The following C1orf198 variants were observed in gnomAD, a reference collection of about 807,000 sequenced individuals.
The protein encoded by C1orf198 is uncharacterized protein C1orf198.
A neutral mutation model predicts 31.4 loss-of-function variants in C1orf198; 17 were observed. That is an observed-to-expected ratio of 0.54 (90% confidence interval 0.37 to 0.81). The LOEUF is 0.81. Ranked by LOEUF, C1orf198 falls within the 40% of genes least tolerant of loss-of-function variation. The pLI is 0.00. For synonymous variants in C1orf198, 175 were observed against 193.8 expected, an observed-to-expected ratio of 0.90 and a Z score of 0.81; for missense variants, 401 against 450.3, an observed-to-expected ratio of 0.89 and a Z score of 0.99.
At position 230,843,405 on chromosome 1, in the gene C1orf198, G is replaced by A. The variant is rs1261195586; in HGVS notation, c.876C>T (p.Val292=). Residue 292 remains valine, a synonymous_variant, in exon 3 of 4, where the codon GTC becomes GTT. Coordinates refer to ENST00000366663, the MANE Select transcript of C1orf198 (RefSeq NM_032800.3). The surrounding 1 kb of genome is among the most constrained non-coding windows in gnomAD (Gnocchi z 4.9). ...GGGTGTCTTCCCCATCGTCCTGCCTGACATCAGGAGATGGCAGCTTCCCCT... is the reference window on the plus strand; with the variant it reads ...GGGTGTCTTCCCCATCGTCCTGCCTAACATCAGGAGATGGCAGCTTCCCCT... ...QLEGKLPSPD[V]RQDDGEDTLF... 6.4e-7 allele frequency: 1 copy of A among 1,571,356 alleles called. No homozygotes were observed. Among genetic ancestry groups the A allele is most frequent in the South Asian group, 1.2e-5 (1 of 86,184 alleles).
rs1396727368 is a variant in C1orf198, at chr1:230,840,460, C to T, written c.928-552G>A. On this transcript the variant is annotated intron_variant, in intron 3 of 3. Coordinates refer to ENST00000366663, the MANE Select transcript of C1orf198 (RefSeq NM_032800.3). This position sits in a 1 kb window ranked among gnomAD's most constrained non-coding sequence, Gnocchi z 4.0. ...GCTCAAGCGATCCTCTTGCCTCGGC[C>T]TCCCACGTAGCTGGGACTACAGGCA... Among the ~76,000 whole-genome samples the T allele has an allele frequency of 6.6e-6, 1 of 152,242 alleles. No homozygotes were observed. Among genetic ancestry groups the T allele is most frequent in the African/African-American group, 2.4e-5 (1 of 41,454 alleles).
Position 230,868,502 on chromosome 1 carries a change from A to G in C1orf198, c.11T>C (p.Met4Thr). 3 of 1,446,318 alleles carry G rather than the reference A, an allele frequency of 2.1e-6. No individual in the cohort carries two copies. The highest frequency in any genetic ancestry group is 1.4e-5 in the South Asian group (1 of 72,346). The allele number at this position is 1,446,318 out of a possible 1,614,324, so 89.6% of individuals were successfully genotyped here. A position where few individuals can be genotyped will look rare whatever the true frequency, so the allele number is the denominator to read the frequency against. MASMAAAIAASRSA... is the reference protein window; with the variant it reads MASTAAAIAASRSA... ...GCGCGAAGCCGCGATCGCCGCCGCCATGGACGCCATGCCCGGCCTGCCCGC... is the reference window on the plus strand; with the variant it reads ...GCGCGAAGCCGCGATCGCCGCCGCCGTGGACGCCATGCCCGGCCTGCCCGC... Residue 4 changes from methionine to threonine, a missense_variant, in exon 1 of 4, where the codon ATG (methionine) becomes ACG (threonine). Physicochemically the swap from Met to Thr is moderately conservative, Grantham distance 81 (BLOSUM62 -1). Coordinates refer to ENST00000366663, the MANE Select transcript of C1orf198 (RefSeq NM_032800.3).
intron 2 of C1orf198, among the ~76,000 whole-genome samples, chr1:230,850,158 T>A (rs1343529455): frequency 6.6e-6 from 1 of 152,202 alleles, no homozygotes; most frequent in East Asian, 1.9e-4. Flanking sequence ...CAACAAGGAA[T>A]TCATCAGCAT....
rs1670178927 is a variant in C1orf198 at position 230,868,497 on chromosome 1, C to CCGCCATGGA, written c.7_15dup (p.Ser3_Ala5dup). ...GCCGAGCGCGAAGCCGCGATCGCCGCCGCCATGGACGCCATGCCCGGCCTG... is the reference window on the plus strand; with the variant it reads ...GCCGAGCGCGAAGCCGCGATCGCCGCCGCCATGGACGCCATGGACGCCATGCCCGGCCTG... On this transcript the variant is annotated inframe_insertion, in exon 1 of 4. Coordinates refer to ENST00000366663, the MANE Select transcript of C1orf198 (RefSeq NM_032800.3). The CCGCCATGGA allele has an allele frequency of 6.8e-7, 1 of 1,462,208 alleles. No individual in the cohort carries two copies. Among genetic ancestry groups the CCGCCATGGA allele is most frequent in the Admixed American group, 2.2e-5 (1 of 45,628 alleles). The allele number at this position is 1,462,208 out of a possible 1,614,324, so 90.6% of individuals were successfully genotyped here. A position where few individuals can be genotyped will look rare whatever the true frequency, so the allele number is the denominator to read the frequency against.
intron 3 of C1orf198, among the ~76,000 whole-genome samples, chr1:230,841,899 C>G (rs1290267315): frequency 6.6e-6 from 1 of 152,154 alleles, no homozygotes; most frequent in South Asian, 2.1e-4. Flanking sequence ...AAGTGTCTGT[C>G]GATGGATGAG....
rs994503900 is a variant in C1orf198 at position 230,857,126 on chromosome 1, G to A, written c.334-1408C>T. ...TCCTAACATGAACAGCCAGTGGGAG[G>A]TCAGTCTTTGAACTCAAATAACGAA... is the stretch of plus-strand genomic sequence containing the variant. On this transcript the variant is annotated intron_variant, in intron 1 of 3. Transcript: ENST00000366663. This position sits in a 1 kb window ranked among gnomAD's most constrained non-coding sequence, Gnocchi z 4.2. 3.9e-5 allele frequency among the ~76,000 whole-genome samples: 6 copies of A among 152,174 alleles called. No individual in the cohort carries two copies. The highest frequency in any genetic ancestry group is 1.2e-4 in the African/African-American group (5 of 41,430).
chr1:230,848,973 T>C (rs1669662440), intron 2 of C1orf198, among the ~76,000 whole-genome samples: 2 of 152,206 alleles, frequency 1.3e-5, no homozygotes, highest in Admixed American at 1.3e-4. Flanking sequence ...AGGGGGGACC[T>C]GTACTGGTAT....
At chr1:230,847,429 C>T (rs762932703) in intron 2 of C1orf198, among the ~76,000 whole-genome samples, 11 of 152,164 alleles carry the variant, frequency 7.2e-5, no homozygotes, top group Admixed American at 2.6e-4. Context: ...AATGGAGAAT[C>T]GGAGTGATGA....
Position 230,843,090 on chromosome 1 carries a change from C to A in C1orf198, c.927+264G>T, listed in dbSNP as rs181456662. Among the ~76,000 whole-genome samples the A allele has an allele frequency of 2.3e-4, 35 of 152,384 alleles. No homozygotes were observed. The highest frequency in any genetic ancestry group is 8.4e-4 in the African/African-American group (35 of 41,596). On this transcript the variant is annotated intron_variant, in intron 3 of 3. Coordinates refer to ENST00000366663, the MANE Select transcript of C1orf198 (RefSeq NM_032800.3). This position sits in a 1 kb window ranked among gnomAD's most constrained non-coding sequence, Gnocchi z 4.9. ...AGGGGCCTCTTCTGATAGCAGCCCG[C>A]GCACTGGGGAAAGCGCAGTGGGCCA... is the stretch of plus-strand genomic sequence containing the variant.
intron 1 of C1orf198, among the ~76,000 whole-genome samples, chr1:230,858,725 C>A (rs542368711): frequency 2.1e-4 from 32 of 152,302 alleles, no homozygotes; most frequent in Middle Eastern, 3.4e-3. Flanking sequence ...AGCTGGACTC[C>A]CCTGTTACTC....
At position 230,849,648 on chromosome 1, in the gene C1orf198, G is replaced by C. The variant is rs529129767; in HGVS notation, c.385-5752C>G. ...GTCTATTTTTAACGTCCCACTCACTGAAGAGGAATGTGTAATATTTCAGTA... is the reference window on the plus strand; with the variant it reads ...GTCTATTTTTAACGTCCCACTCACTCAAGAGGAATGTGTAATATTTCAGTA... On this transcript the variant is annotated intron_variant, in intron 2 of 3. Coordinates refer to ENST00000366663, the MANE Select transcript of C1orf198 (RefSeq NM_032800.3). 3.9e-5 allele frequency among the ~76,000 whole-genome samples: 6 copies of C among 152,354 alleles called. No homozygotes were observed. The South Asian group carries it at 1.2e-3, about 32-fold the overall frequency.
In C1orf198 at chr1:230,840,301, C is replaced by A. The variant is rs1188813232; in HGVS notation, c.928-393G>T. ...CTTCAAATATAAAACAAACATCACA[C>A]ACAAACACAACAAAAAAGAACTTGT... On this transcript the variant is annotated intron_variant, in intron 3 of 3. Coordinates refer to ENST00000366663, the MANE Select transcript of C1orf198 (RefSeq NM_032800.3). The surrounding 1 kb of genome is among the most constrained non-coding windows in gnomAD (Gnocchi z 4.0). Among the ~76,000 whole-genome samples, 1 of 152,178 alleles carries A rather than the reference C, an allele frequency of 6.6e-6. No homozygotes were observed. The highest frequency in any genetic ancestry group is 1.5e-5 in the Non-Finnish European group (1 of 68,042).
At chr1:230,851,263 G>T (rs1669736096) in intron 2 of C1orf198, among the ~76,000 whole-genome samples, 2 of 152,150 alleles carry the variant, frequency 1.3e-5, no homozygotes, top group Admixed American at 6.5e-5. Context: ...GAAGGAAGGG[G>T]GTAGCCAGAA....
At position 230,851,819 on chromosome 1, in the gene C1orf198, G is replaced by A. The variant is rs574088153; in HGVS notation, c.384+3849C>T. On this transcript the variant is annotated intron_variant, in intron 2 of 3. Transcript: ENST00000366663. Reference sequence around the variant, plus strand: ...CTGTGAGGCTGCAGCGAGCTCTCCTGATCAAAGCTGCGTTGCATGGGGGCA... The same window carrying A: ...CTGTGAGGCTGCAGCGAGCTCTCCTAATCAAAGCTGCGTTGCATGGGGGCA... Among the ~76,000 whole-genome samples the A allele has an allele frequency of 3.3e-5, 5 of 152,314 alleles. 1 individual carries two copies. In the South Asian group the frequency reaches 1.0e-3, roughly 32 times the overall value.
chr1:230,868,219 G>A lies in C1orf198; in HGVS notation c.294C>T (p.Arg98=), dbSNP rs549531883. 4 of 1,533,844 alleles carry A rather than the reference G, an allele frequency of 2.6e-6. No individual in the cohort carries two copies. In the East Asian group the frequency reaches 7.8e-5, roughly 30 times the overall value. The part of the protein sequence containing the change: ...SEELTRFPGL[R]GPTGQKVVRF... ...GCACCACCTTCTGGCCCGTGGGCCC[G>A]CGCAAGCCGGGGAAGCGCGTGAGCT... Residue 98 remains arginine (R), a synonymous_variant, in exon 1 of 4, where the codon CGC becomes CGT. Coordinates refer to ENST00000366663, the MANE Select transcript of C1orf198 (RefSeq NM_032800.3).
chr1:230,849,229 G>T (rs1669669199), intron 2 of C1orf198, among the ~76,000 whole-genome samples: 1 of 152,214 alleles, frequency 6.6e-6, no homozygotes, highest in African/African-American at 2.4e-5. Flanking sequence ...GGGCTCTTGA[G>T]AAAGGAGGTC....
chr1:230,847,868 C>T (rs1420592136), intron 2 of C1orf198, among the ~76,000 whole-genome samples: 3 of 152,146 alleles, frequency 2.0e-5, no homozygotes, highest in Non-Finnish European at 2.9e-5. Context: ...TTCATCAAAC[C>T]CCAGGCTTTT....
At chr1:230,858,413 A>G (rs1669927884) in intron 1 of C1orf198, among the ~76,000 whole-genome samples, 1 of 152,196 alleles carries the variant, frequency 6.6e-6, no homozygotes, top group Non-Finnish European at 1.5e-5. Context: ...ACAAGCCTGG[A>G]TATTTTCACA....
chr1:230,842,997 T>C (rs796262792), intron 3 of C1orf198, among the ~76,000 whole-genome samples: 1 of 152,136 alleles, frequency 6.6e-6, no homozygotes, highest in South Asian at 2.1e-4. Flanking sequence ...ATTGCCTCTA[T>C]GGACAGCTCC....
Sources: gnomAD v4.1 joint callset for allele counts (sites outside exome capture counted in the v4.1 genomes callset) on GRCh38, gnomAD v4.1.1 for gene constraint, Gnocchi (gnomAD v3.1) non-coding constraint, MANE v1.5 for transcripts, NCBI Gene and HGNC (gene_info 2026-07-23, HGNC 2026-07-21) for gene names.